CRCP: variants seen among roughly 807,000 people sequenced by gnomAD.
CRCP encodes the protein DNA-directed RNA polymerase III subunit RPC9.
A neutral mutation model predicts 18.5 loss-of-function variants in CRCP; 18 were observed. That is an observed-to-expected ratio of 0.97 (90% confidence interval 0.67 to 1.44). The LOEUF is 1.44. Among genes scored for constraint, CRCP ranks in the 40% most tolerant of loss-of-function variants. The pLI, the probability that CRCP is intolerant of heterozygous loss-of-function variation, is 0.00. For synonymous variants in CRCP, 53 were observed against 62.9 expected (o/e 0.84, Z 0.75); for missense variants, 130 against 176.4 (o/e 0.74, Z 1.49).
chr7:66,115,311 C>T (rs1469714303), intron 1 of CRCP, among the ~76,000 whole-genome samples: 1 of 152,186 alleles, frequency 6.6e-6, no homozygotes, highest in Non-Finnish European at 1.5e-5. Context: ...CGACCCCGGA[C>T]TTAGAAGGCT....
At position 66,152,507 on chromosome 7, in the gene CRCP, A is replaced by C; in HGVS notation, c.*150A>C. ...GGGTACATCACAAAAATAAGTTAAA[A>C]AGAAATATTTGTGCCTTGGGGAGAA... On this transcript the variant is annotated 3_prime_UTR_variant, in exon 6 of 6. Coordinates refer to ENST00000395326, the MANE Select transcript of CRCP (RefSeq NM_014478.5). 1 of 820,702 alleles carries C rather than the reference A, an allele frequency of 1.2e-6. No individual in the cohort carries two copies. The highest frequency in any genetic ancestry group is 1.9e-6 in the Non-Finnish European group (1 of 539,234). 50.8% of individuals were successfully genotyped at this position (820,702 alleles called of 1,614,324 possible). A position where few individuals can be genotyped will look rare whatever the true frequency, so the allele number is the denominator to read the frequency against.
At chr7:66,127,652 C>T (rs1584070679) in intron 1 of CRCP, 52 bp from the exon 2 acceptor site, 4 of 1,599,900 alleles carry the variant, frequency 2.5e-6, no homozygotes, top group African/African-American at 2.7e-5. Context: ...GAATTTGATA[C>T]CCAGAAAGGG....
At chr7:66,152,174 T>C (rs1459265545) in intron 5 of CRCP, 34 bp from the exon 6 acceptor site, 3 of 1,612,704 alleles carry the variant, frequency 1.9e-6, no homozygotes, top group Admixed American at 1.7e-5. Context: ...TAAGTTTCAT[T>C]TGTAACCCTG....
chr7:66,139,515 G>C (rs1163845174), intron 4 of CRCP, among the ~76,000 whole-genome samples: 1 of 152,176 alleles, frequency 6.6e-6, no homozygotes, highest in Admixed American at 6.5e-5. Flanking sequence ...CGTGGTCGAG[G>C]TAATTGTAGA....
chr7:66,142,361 A>C, intron 4 of CRCP, among the ~76,000 whole-genome samples: 1 of 151,714 alleles, frequency 6.6e-6, no homozygotes, highest in Non-Finnish European at 1.5e-5. Context: ...CTGCTTTTTT[A>C]CTTCTGTGTT....
intron 4 of CRCP, among the ~76,000 whole-genome samples, chr7:66,139,993 T>A (rs1788086200): frequency 1.3e-5 from 2 of 152,204 alleles, no homozygotes; most frequent in Non-Finnish European, 2.9e-5. Context: ...ACTAGAGCTG[T>A]CCTTGGAGCA....
At chr7:66,139,646 TC>T (rs1272857139) in intron 4 of CRCP, among the ~76,000 whole-genome samples, 1 of 152,224 alleles carries the variant, frequency 6.6e-6, no homozygotes, top group African/African-American at 2.4e-5. Flanking sequence ...GGTCTTGCCT[TC>T]CGGGGCAAGG....
chr7:66,147,380 C>G (rs374581843), intron 5 of CRCP, among the ~76,000 whole-genome samples: 3 of 151,200 alleles, frequency 2.0e-5, no homozygotes, highest in African/African-American at 7.3e-5. Flanking sequence ...GTGCCAGACA[C>G]GGTCTCAGTC....
intron 5 of CRCP, among the ~76,000 whole-genome samples, chr7:66,151,752 CTTTTTTTTTT>C (rs1170961958): frequency 1.0e-4 from 4 of 38,308 alleles, no homozygotes; most frequent in African/African-American, 3.4e-4. Flanking sequence ...TTTTTCTTTT[CTTTTTTTTTT>C]TTTTTTTTTA....
At chr7:66,115,053 G>A in intron 1 of CRCP, 83 bp downstream of exon 1, 1 of 1,554,332 alleles carries the variant, frequency 6.4e-7, no homozygotes, top group Non-Finnish European at 8.8e-7. Context: ...GAGCCGTGGG[G>A]ACTGGGCGAC....
chr7:66,116,605 A>T lies in CRCP; in HGVS notation c.8+1635A>T, dbSNP rs551081228. ...ATTTACTCTAGTCCAAGCCATCATT[A>T]CTAATTTTTCCCTCTTTACTAGAGC... is the stretch of plus-strand genomic sequence containing the variant. On this transcript the variant is annotated intron_variant, in intron 1 of 5. Transcript: ENST00000395326. 6.6e-5 allele frequency among the ~76,000 whole-genome samples: 10 copies of T among 152,256 alleles called. No homozygotes were observed. The East Asian group carries it at 1.9e-3, about 29-fold the overall frequency.
intron 4 of CRCP, among the ~76,000 whole-genome samples, chr7:66,145,136 A>G (rs1419575693): frequency 1.3e-5 from 2 of 152,186 alleles, no homozygotes; most frequent in African/African-American, 4.8e-5. Context: ...AGCCTAGGCA[A>G]TAAGAGGAAA....
intron 4 of CRCP, among the ~76,000 whole-genome samples, chr7:66,137,142 A>G (rs182552045): frequency 6.6e-6 from 1 of 152,226 alleles, no homozygotes; most frequent in African/African-American, 2.4e-5. Flanking sequence ...ACAACCCGCC[A>G]ATACTGAACC....
chr7:66,121,143 C>T (rs369018597), intron 1 of CRCP, among the ~76,000 whole-genome samples: 4 of 151,506 alleles, frequency 2.6e-5, no homozygotes, highest in South Asian at 2.1e-4. Flanking sequence ...GGCGCAATCT[C>T]GGCTGACTGC....
intron 2 of CRCP, 93 bp downstream of exon 2, chr7:66,127,833 G>C: frequency 1.4e-6 from 2 of 1,394,106 alleles, no homozygotes; most frequent in Non-Finnish European, 2.0e-6. Flanking sequence ...CTGAATTCAG[G>C]CTGGGTGCAG....
chr7:66,129,223 C>T (rs1272187423), intron 2 of CRCP, among the ~76,000 whole-genome samples: 1 of 152,128 alleles, frequency 6.6e-6, no homozygotes, highest in East Asian at 1.9e-4. Flanking sequence ...ATCCCAGCTG[C>T]TCGGGAGGCT....
intron 2 of CRCP, chr7:66,130,358 C>G (rs1787762733): frequency 5.5e-6 from 1 of 181,664 alleles, no homozygotes; most frequent in Non-Finnish European, 1.2e-5. Context: ...CCCACCTCAC[C>G]CTCCCTAAGT....
intron 1 of CRCP, 24 bp downstream of exon 1, chr7:66,114,994 T>C: frequency 6.2e-7 from 1 of 1,605,232 alleles, no homozygotes; most frequent in Non-Finnish European, 8.5e-7. Flanking sequence ...GGCGCGTCCC[T>C]TTTCGCCCGA....
In CRCP at chr7:66,145,391, A is replaced by T. The variant is rs552057679; in HGVS notation, c.240-52A>T. 1.9e-6 allele frequency: 3 copies of T among 1,581,352 alleles called. No individual in the cohort carries two copies. The Admixed American group carries it at 5.0e-5, about 26-fold the overall frequency. ...TTATTCTCTGTGCAGCTCAGTCAGG[A>T]CTCAGGACTTAGGGCTATGCGAGTT... is the stretch of plus-strand genomic sequence containing the variant. On this transcript the variant is annotated intron_variant, in intron 4 of 5. Transcript: ENST00000395326.
Sources: gnomAD v4.1 joint callset for allele counts (sites outside exome capture counted in the v4.1 genomes callset) on GRCh38, gnomAD v4.1.1 for gene constraint, MANE v1.5 for transcripts, NCBI Gene and HGNC (gene_info 2026-07-23, HGNC 2026-07-21) for gene names.